Variants in CNTN5 observed in about 807,000 individuals in gnomAD.
The protein encoded by CNTN5 is contactin-5.
In CNTN5, 77 loss-of-function variants were observed where a neutral mutation model predicts 129.1. The ratio of observed to expected loss-of-function variants is 0.60; its 90% CI spans 0.50 to 0.72. CNTN5 has a LOEUF of 0.72. CNTN5 is among the 30% of genes least tolerant of loss of function. The probability of loss-of-function intolerance (pLI) is 0.00; values close to 1 mark genes in which losing one functional copy is unlikely to be tolerated. For synonymous variants in CNTN5, 509 were observed against 465.6 expected (o/e 1.09, Z -1.20); for missense variants, 1,478 against 1,328.8 (o/e 1.11, Z -1.75).
At chr11:99,243,284 C>T (rs2135765400) in intron 1 of CNTN5, among the ~76,000 whole-genome samples, 1 of 151,784 alleles carries the variant, frequency 6.6e-6, no homozygotes, top group Admixed American at 6.6e-5. Context: ...CTTCTTTTGT[C>T]TTTTGCCCAT....
At chr11:99,085,535 T>G (rs1865972874) in intron 1 of CNTN5, among the ~76,000 whole-genome samples, 1 of 152,080 alleles carries the variant, frequency 6.6e-6, no homozygotes, top group Non-Finnish European at 1.5e-5. Context: ...ATTATCATAA[T>G]AAAAAGAATT....
At chr11:99,874,930 C>T (rs185699027) in intron 6 of CNTN5, among the ~76,000 whole-genome samples, 29 of 152,260 alleles carry the variant, frequency 1.9e-4, no homozygotes, top group South Asian at 6.2e-4. Flanking sequence ...TGCCAGCTTC[C>T]TCTCAGTGTG....
intron 3 of CNTN5, among the ~76,000 whole-genome samples, chr11:99,768,683 A>G (rs887614061): frequency 1.3e-5 from 2 of 152,120 alleles, no homozygotes; most frequent in African/African-American, 2.4e-5. Flanking sequence ...AGACAATGAT[A>G]CACACTTCCC....
chr11:100,294,170 A>T (rs915979496), intron 18 of CNTN5, among the ~76,000 whole-genome samples: 7 of 151,502 alleles, frequency 4.6e-5, no homozygotes, highest in African/African-American at 1.2e-4. Context: ...CTGTAATATA[A>T]ATTGGAAATT....
intron 9 of CNTN5, among the ~76,000 whole-genome samples, chr11:100,040,287 A>G (rs969403581): frequency 2.0e-5 from 3 of 152,170 alleles, no homozygotes; most frequent in Non-Finnish European, 4.4e-5. Flanking sequence ...AACAGCAGAT[A>G]TTGGAGAACT....
chr11:100,260,107 G>C (rs946332054), intron 17 of CNTN5, among the ~76,000 whole-genome samples: 1 of 152,080 alleles, frequency 6.6e-6, no homozygotes, highest in African/African-American at 2.4e-5. Flanking sequence ...AAATGATAAA[G>C]GGGATATCAC....
rs115074874 is a variant in CNTN5 at position 99,277,936 on chromosome 11, A to G, written c.-209-47410A>G. On this transcript the variant is annotated intron_variant, in intron 1 of 24. Transcript: ENST00000524871. ...GCAGAACTGGGTAAATCTAACATTG[A>G]TTTACAAAGAGAGGAAGTTCTGATT... Among the ~76,000 whole-genome samples the G allele has an allele frequency of 5.8e-3, 885 of 151,778 alleles. 13 individuals are homozygous for G. The highest frequency in any genetic ancestry group is 0.02 in the African/African-American group (843 of 41,476).
intron 1 of CNTN5, among the ~76,000 whole-genome samples, chr11:99,060,827 C>G: frequency 6.6e-6 from 1 of 152,058 alleles, no homozygotes. Flanking sequence ...GACTCAAAAG[C>G]TCTTCAAAGT....
chr11:99,126,632 G>A (rs1858648589), intron 1 of CNTN5, among the ~76,000 whole-genome samples: 1 of 152,112 alleles, frequency 6.6e-6, no homozygotes, highest in African/African-American at 2.4e-5. Flanking sequence ...TTTTAGGGTG[G>A]CAAGTTGCTA....
At chr11:99,310,077 G>A (rs1429537952) in intron 1 of CNTN5, among the ~76,000 whole-genome samples, 2 of 152,042 alleles carry the variant, frequency 1.3e-5, no homozygotes, top group Non-Finnish European at 2.9e-5. Flanking sequence ...TTGTTTCATG[G>A]TGTACAGGTA....
chr11:99,932,236 G>A (rs887878449), intron 7 of CNTN5, among the ~76,000 whole-genome samples: 2 of 152,012 alleles, frequency 1.3e-5, no homozygotes, highest in African/African-American at 2.4e-5. Flanking sequence ...TTGTCAGCCC[G>A]GGCTGGAGTT....
chr11:99,099,202 T>A (rs1158788022), intron 1 of CNTN5, among the ~76,000 whole-genome samples: 2 of 152,142 alleles, frequency 1.3e-5, no homozygotes, highest in African/African-American at 4.8e-5. Flanking sequence ...ATCTCATGGA[T>A]TTATTTTTTA....
At chr11:99,850,004 C>G (rs1947821470) in intron 6 of CNTN5, among the ~76,000 whole-genome samples, 2 of 151,960 alleles carry the variant, frequency 1.3e-5, no homozygotes, top group South Asian at 4.1e-4. Flanking sequence ...TTATTAACAC[C>G]TATGTAACAA....
chr11:99,249,588 G>A (rs953706730), intron 1 of CNTN5, among the ~76,000 whole-genome samples: 12 of 151,748 alleles, frequency 7.9e-5, no homozygotes, highest in Admixed American at 4.6e-4. Context: ...ACTATATACC[G>A]GACATATTCT....
intron 1 of CNTN5, among the ~76,000 whole-genome samples, chr11:99,041,118 C>T (rs755134919): frequency 3.9e-5 from 6 of 152,120 alleles, no homozygotes; most frequent in Non-Finnish European, 5.9e-5. Flanking sequence ...ATTTTCAGTA[C>T]ATTAACTTAT....
intron 1 of CNTN5, among the ~76,000 whole-genome samples, chr11:99,104,065 T>A (rs1315697429): frequency 6.6e-6 from 1 of 152,272 alleles, no homozygotes; most frequent in Middle Eastern, 3.4e-3. Context: ...TGTAGTTTGA[T>A]CAGTAAATGC....
At position 99,294,148 on chromosome 11, in the gene CNTN5, T is replaced by A. The variant is rs747267607; in HGVS notation, c.-209-31198T>A. 1.5e-3 allele frequency among the ~76,000 whole-genome samples: 228 copies of A among 152,268 alleles called. 1 individual carries two copies. Among genetic ancestry groups the A allele is most frequent in the Admixed American group, 3.1e-3 (48 of 15,290 alleles). On this transcript the variant is annotated intron_variant, in intron 1 of 24. Transcript: ENST00000524871. Reference sequence around the variant, plus strand: ...AGACTCTTTAAAATGTTATTCCTAATTTTTTAAATTAATTCATTGGTTGTA... The same window carrying A: ...AGACTCTTTAAAATGTTATTCCTAAATTTTTAAATTAATTCATTGGTTGTA...
chr11:99,771,960 GA>G (rs1317926756), intron 3 of CNTN5, among the ~76,000 whole-genome samples: 2 of 149,212 alleles, frequency 1.3e-5, no homozygotes, highest in African/African-American at 2.5e-5. Context: ...GTGTCTGGGA[GA>G]AAAAAAAACC....
chr11:99,470,333 A>G (rs1339975298), intron 2 of CNTN5, among the ~76,000 whole-genome samples: 1 of 152,148 alleles, frequency 6.6e-6, no homozygotes, highest in African/African-American at 2.4e-5. Context: ...ATTTAACTGT[A>G]TTTTCATACT....
Sources: allele counts gnomAD v4.1 joint callset (sites outside exome capture counted in the v4.1 genomes callset), GRCh38; gene constraint gnomAD v4.1.1; transcripts MANE v1.5; gene names NCBI Gene and HGNC (gene_info 2026-07-23, HGNC 2026-07-21).